Variants in GPD1L observed in about 807,000 individuals in gnomAD.
GPD1L encodes the protein glycerol-3-phosphate dehydrogenase 1 like, also known as glycerol-3-phosphate dehydrogenase 1-like protein.
GPD1L carries 17 observed loss-of-function variants against 32.9 expected under a neutral mutation model. The ratio of observed to expected loss-of-function variants is 0.52; its 90% CI spans 0.35 to 0.78. GPD1L has a LOEUF of 0.78. GPD1L is among the 30% of genes least tolerant of loss of function. GPD1L has a pLI of 0.01. For missense variants in GPD1L, 361 were observed against 447.8 expected (o/e 0.81, Z 1.75); for synonymous variants, 187 against 165.9 (o/e 1.13, Z -0.98).
In GPD1L at chr3:32,138,615, T is replaced by G; in HGVS notation, c.254T>G (p.Val85Gly). 6.2e-7 allele frequency: 1 copy of G among 1,614,086 alleles called. No homozygotes were observed. Among genetic ancestry groups the G allele is most frequent in the South Asian group, 1.1e-5 (1 of 91,082 alleles). The change falls in exon 3 of 8, where the codon GTG becomes GGG. Residue 85 changes from valine (V) to glycine (G), a missense_variant. Transcript: ENST00000282541. ...GCCATGTCAAATCTTAGCGAGGCTG[T>G]GCAGGATGCAGACCTGCTGGTGTTT... ...VVAMSNLSEA[V>G]QDADLLVFVI...
intron 1 of GPD1L, among the ~76,000 whole-genome samples, chr3:32,126,416 T>G (rs1484688759): frequency 6.6e-6 from 1 of 152,162 alleles, no homozygotes; most frequent in Non-Finnish European, 1.5e-5. Context: ...TGTCTCATAG[T>G]CCCTCGTCAG....
intron 1 of GPD1L, among the ~76,000 whole-genome samples, chr3:32,123,791 A>AAGAAAGATAGAT (rs1700459360): frequency 7.9e-6 from 1 of 126,890 alleles, no homozygotes; most frequent in Non-Finnish European, 1.7e-5. Context: ...CAGGAATTGA[A>AAGAAAGATAGAT]AGATAGATAG....
At position 32,162,526 on chromosome 3, in the gene GPD1L, C is replaced by G. The variant is rs1468034346; in HGVS notation, c.959+2852C>G. On this transcript the variant is annotated intron_variant, in intron 7 of 7. Transcript: ENST00000282541. The stretch of plus-strand genomic sequence containing the variant: ...TCAGCCTCCCCAGTAGCTGGGACTA[C>G]AGGCGCCCGCCACCGCGCCCGGCTA... Among the ~76,000 whole-genome samples the G allele has an allele frequency of 2.5e-5, 3 of 118,846 alleles. 1 individual carries two copies. The highest frequency in any genetic ancestry group is 5.0e-5 in the Non-Finnish European group (3 of 59,948). The allele number at this position is 118,846 out of a possible 152,430, so 78.0% of individuals were successfully genotyped here.
At chr3:32,138,777 T>G (rs1384101118) in intron 3 of GPD1L, 50 bp downstream of exon 3, 8 of 1,572,596 alleles carry the variant, frequency 5.1e-6, no homozygotes, top group Non-Finnish European at 7.0e-6. Flanking sequence ...ATCAGGAAAT[T>G]TCATTTCCTC....
Position 32,138,713 on chromosome 3 carries a change from A to G in GPD1L, c.352A>G (p.Ile118Val). The change falls in exon 3 of 8, where the codon ATC (isoleucine) becomes GTC (valine). Residue 118 changes from isoleucine to valine, a missense_variant. Ile to Val is a conservative substitution (Grantham distance 29). Coordinates refer to ENST00000282541, the MANE Select transcript of GPD1L (RefSeq NM_015141.4). ...TGRVPKKALG[I>V]TLIKGIDEGP... is the part of the protein sequence containing the mutation. Reference sequence around the variant, plus strand: ...GAGAGTGCCCAAGAAAGCGCTGGGAATCACCCTCATCAAGGTAACTCGAGT... The same window carrying G: ...GAGAGTGCCCAAGAAAGCGCTGGGAGTCACCCTCATCAAGGTAACTCGAGT... 2.5e-6 allele frequency: 4 copies of G among 1,614,062 alleles called. No homozygotes were observed. Among genetic ancestry groups the G allele is most frequent in the Non-Finnish European group, 2.5e-6 (3 of 1,179,964 alleles).
rs746057191 is a variant in GPD1L, at chr3:32,159,041, G to A, written c.784G>A (p.Asp262Asn). 8 of 1,613,820 alleles carry A rather than the reference G, an allele frequency of 5.0e-6. No individual in the cohort carries two copies. The highest frequency in any genetic ancestry group is 2.7e-5 in the African/African-American group (2 of 74,926). Residue 262 changes from aspartate (D) to asparagine (N), a missense_variant, in exon 6 of 8, where the codon GAC (aspartate) becomes AAC (asparagine). Physicochemically the swap from Asp to Asn is conservative, Grantham distance 23 (BLOSUM62 1). Transcript: ENST00000282541. Reference protein sequence around the residue: ...ATFLESCGVADLITTCYGGRN... With the variant: ...ATFLESCGVANLITTCYGGRN... The stretch of plus-strand genomic sequence containing the variant: ...CTTCCTAGAGAGCTGCGGGGTGGCC[G>A]ACCTGATCACCACCTGTTACGGAGG...
intron 1 of GPD1L, among the ~76,000 whole-genome samples, chr3:32,127,257 G>A (rs978100715): frequency 6.6e-6 from 1 of 152,302 alleles, no homozygotes. Flanking sequence ...CCTCACGCCA[G>A]GAAGGTCATC....
At chr3:32,132,658 T>C (rs897784581) in intron 2 of GPD1L, among the ~76,000 whole-genome samples, 2 of 152,184 alleles carry the variant, frequency 1.3e-5, no homozygotes, top group African/African-American at 4.8e-5. Context: ...CCCAGGGATA[T>C]GTGGGCCCAC....
chr3:32,122,189 A>G, intron 1 of GPD1L, among the ~76,000 whole-genome samples: 1 of 148,936 alleles, frequency 6.7e-6, no homozygotes, highest in Admixed American at 6.7e-5. Context: ...TGCACCCAGC[A>G]TGGTGTCTGA....
intron 1 of GPD1L, among the ~76,000 whole-genome samples, chr3:32,119,326 GTAT>G (rs1406710069): frequency 3.3e-5 from 5 of 152,248 alleles, no homozygotes; most frequent in Admixed American, 6.5e-5. Context: ...ATCTGAGGTG[GTAT>G]TATTTATTAA....
rs550270690 is a variant in GPD1L at position 32,142,319 on chromosome 3, A to G, written c.505+1953A>G. Among the ~76,000 whole-genome samples the G allele has an allele frequency of 6.0e-4, 91 of 152,120 alleles. 1 individual carries two copies. Among genetic ancestry groups the G allele is most frequent in the African/African-American group, 2.1e-3 (86 of 41,514 alleles). On this transcript the variant is annotated intron_variant, in intron 4 of 7. Transcript: ENST00000282541. ...TTTTTGGTAGAGACAGGGTTTCACC[A>G]TGTTGGCCAGGATGGTCTTGATCTC...
At chr3:32,162,417 C>T (rs1464812613) in intron 7 of GPD1L, among the ~76,000 whole-genome samples, 1 of 57,466 alleles carries the variant, frequency 1.7e-5, no homozygotes, top group Admixed American at 1.4e-4. Flanking sequence ...CTCGCTCTGT[C>T]GCCCAGGCCG....
At chr3:32,131,140 A>C (rs1016530081) in intron 2 of GPD1L, among the ~76,000 whole-genome samples, 1 of 152,162 alleles carries the variant, frequency 6.6e-6, no homozygotes, top group Non-Finnish European at 1.5e-5. Context: ...ATCAAGGTAG[A>C]GGATTCTTTT....
chr3:32,145,425 G>A (rs1012928744), intron 4 of GPD1L, among the ~76,000 whole-genome samples: 1 of 152,184 alleles, frequency 6.6e-6, no homozygotes, highest in South Asian at 2.1e-4. Context: ...CCCACCTCTT[G>A]GATGGGCATT....
rs1700240503 is a variant in GPD1L at position 32,111,166 on chromosome 3, C to G, written c.47+4408C>G. 2.0e-5 allele frequency among the ~76,000 whole-genome samples: 3 copies of G among 152,192 alleles called. No homozygotes were observed. The South Asian group carries it at 6.2e-4, about 32-fold the overall frequency. ...TAGGCATCAGCCACAGTGCCTGGCC[C>G]AAAGTTTCTTTCTTTTAACCAGCAC... On this transcript the variant is annotated intron_variant, in intron 1 of 7. Transcript: ENST00000282541.
chr3:32,153,635 A>T (rs7622177), intron 5 of GPD1L, among the ~76,000 whole-genome samples: 2 of 152,028 alleles, frequency 1.3e-5, no homozygotes, highest in Admixed American at 6.5e-5. Flanking sequence ...CCCTGCAGAC[A>T]GTCTCCTCTT....
intron 7 of GPD1L, among the ~76,000 whole-genome samples, chr3:32,164,086 A>G (rs914063755): frequency 3.9e-5 from 6 of 152,182 alleles, no homozygotes; most frequent in African/African-American, 7.2e-5. Flanking sequence ...CAGCAGATAT[A>G]TTATGTCTTG....
intron 1 of GPD1L, among the ~76,000 whole-genome samples, chr3:32,121,763 ATTTC>A (rs1157530284): frequency 8.7e-5 from 12 of 137,978 alleles, no homozygotes; most frequent in Admixed American, 1.6e-4. Context: ...ATATATATAT[ATTTC>A]TATATATATA....
chr3:32,135,516 G>A (rs1489531403), intron 2 of GPD1L, among the ~76,000 whole-genome samples: 2 of 152,088 alleles, frequency 1.3e-5, no homozygotes, highest in Admixed American at 6.5e-5. Context: ...GCAGTGGCAC[G>A]ATCTTGGCTC....
Sources: allele counts gnomAD v4.1 joint callset (sites outside exome capture counted in the v4.1 genomes callset), GRCh38; gene constraint gnomAD v4.1.1; transcripts MANE v1.5; gene names NCBI Gene and HGNC (gene_info 2026-07-23, HGNC 2026-07-21).